SYNPR: variants seen among roughly 807,000 people sequenced by gnomAD.
SYNPR encodes the protein synaptoporin.
SYNPR carries 23 observed loss-of-function variants against 32.9 expected under a neutral mutation model. That is an observed-to-expected ratio of 0.70 (90% CI 0.50 to 0.99). The LOEUF (loss-of-function observed/expected upper bound fraction) is 0.99, where lower values mean the gene tolerates loss of function less well. SYNPR is among the 50% of genes least tolerant of loss of function. The pLI, the probability that SYNPR is intolerant of heterozygous loss-of-function variation, is 0.00. For synonymous variants in SYNPR, 146 were observed against 135.9 expected (o/e 1.07, Z -0.52); for missense variants, 318 against 349.3 (o/e 0.91, Z 0.71).
chr3:63,600,519 T>C (rs1367835492), intron 4 of SYNPR, among the ~76,000 whole-genome samples: 2 of 151,682 alleles, frequency 1.3e-5, no homozygotes, highest in Non-Finnish European at 2.9e-5. Context: ...TTTGGCTGTG[T>C]CCCCACCCAA....
chr3:63,380,152 C>G (rs148169715), intron 2 of SYNPR, among the ~76,000 whole-genome samples: 1,938 of 152,194 alleles, frequency 0.013, 23 homozygotes, highest in African/African-American at 0.029. Flanking sequence ...AAACATACAT[C>G]CGCATGTGTC....
intron 2 of SYNPR, among the ~76,000 whole-genome samples, chr3:63,393,950 A>G (rs2088177617): frequency 6.6e-6 from 1 of 152,036 alleles, no homozygotes; most frequent in Non-Finnish European, 1.5e-5. Context: ...TCTTTTTGTT[A>G]TTGACTTGTA....
intron 4 of SYNPR, among the ~76,000 whole-genome samples, chr3:63,563,833 G>A (rs181694772): frequency 7.9e-5 from 12 of 152,090 alleles, no homozygotes; most frequent in Non-Finnish European, 1.3e-4. Flanking sequence ...TTGCCTAGAA[G>A]TGAGGGCATG....
At chr3:63,614,067 C>A (rs1269183086) in intron 5 of SYNPR, among the ~76,000 whole-genome samples, 1 of 152,202 alleles carries the variant, frequency 6.6e-6, no homozygotes, top group African/African-American at 2.4e-5. Context: ...TGGATCATCT[C>A]ACTGTCCAGA....
At chr3:63,424,640 TA>T (rs887571024) in intron 2 of SYNPR, among the ~76,000 whole-genome samples, 1 of 152,134 alleles carries the variant, frequency 6.6e-6, no homozygotes, top group Non-Finnish European at 1.5e-5. Context: ...CCTTCCGGAT[TA>T]AAAAAAATAA....
At chr3:63,484,553 G>A (rs1441273400) in intron 3 of SYNPR, among the ~76,000 whole-genome samples, 2 of 152,128 alleles carry the variant, frequency 1.3e-5, no homozygotes, top group Non-Finnish European at 2.9e-5. Context: ...CATGGCAAAG[G>A]CAATGGAGAA....
chr3:63,429,975 G>C (rs1445136454), intron 2 of SYNPR, among the ~76,000 whole-genome samples: 1 of 152,198 alleles, frequency 6.6e-6, no homozygotes, highest in Non-Finnish European at 1.5e-5. Flanking sequence ...GTAAGGACCA[G>C]GGAGCCTCTC....
chr3:63,553,927 G>A (rs1237202544), intron 3 of SYNPR, among the ~76,000 whole-genome samples: 3 of 152,088 alleles, frequency 2.0e-5, no homozygotes, highest in African/African-American at 7.2e-5. Context: ...CTCCATGTTG[G>A]TCAGGCTGGT....
chr3:63,403,471 T>TAGAG (rs1433294256), intron 2 of SYNPR, among the ~76,000 whole-genome samples: 2 of 114,896 alleles, frequency 1.7e-5, no homozygotes, highest in African/African-American at 6.7e-5. Context: ...CACACACACA[T>TAGAG]AGAGAGAGAG....
intron 2 of SYNPR, among the ~76,000 whole-genome samples, chr3:63,387,863 A>C (rs919908492): frequency 6.6e-6 from 1 of 152,230 alleles, no homozygotes; most frequent in South Asian, 2.1e-4. Context: ...TATGTGGCAC[A>C]GGTTGGGTTG....
At chr3:63,431,968 A>G (rs1260435195) in intron 2 of SYNPR, among the ~76,000 whole-genome samples, 4 of 152,044 alleles carry the variant, frequency 2.6e-5, no homozygotes, top group Non-Finnish European at 4.4e-5. Context: ...TTCTGTCTGT[A>G]GGCCAGTTCT....
intron 2 of SYNPR, among the ~76,000 whole-genome samples, chr3:63,431,460 T>C (rs1278153126): frequency 6.6e-6 from 1 of 152,156 alleles, no homozygotes; most frequent in African/African-American, 2.4e-5. Flanking sequence ...AAATATTGGG[T>C]TAAGAGAACA....
intron 2 of SYNPR, among the ~76,000 whole-genome samples, chr3:63,427,977 T>TA (rs1344838366): frequency 6.6e-6 from 1 of 152,232 alleles, no homozygotes; most frequent in Non-Finnish European, 1.5e-5. Context: ...AGTCAGTAAT[T>TA]ACCTCTAAGC....
At chr3:63,606,417 C>CTTTTTTTCTTTTTTTTT (rs1700120925) in intron 4 of SYNPR, among the ~76,000 whole-genome samples, 1 of 68,300 alleles carries the variant, frequency 1.5e-5, no homozygotes, top group Non-Finnish European at 2.9e-5. Context: ...CAAATCCTTT[C>CTTTTTTTCTTTTTTTTT]TTTTTTTTTT....
intron 2 of SYNPR, among the ~76,000 whole-genome samples, chr3:63,404,665 T>A (rs571878897): frequency 6.6e-6 from 1 of 152,254 alleles, no homozygotes; most frequent in South Asian, 2.1e-4. Flanking sequence ...CATTCTACTT[T>A]ATAAGATATT....
intron 3 of SYNPR, among the ~76,000 whole-genome samples, chr3:63,535,666 C>T (rs1702190994): frequency 6.9e-6 from 1 of 145,978 alleles, no homozygotes. Flanking sequence ...GAGTACAAGG[C>T]ATATTAATGG....
intron 2 of SYNPR, among the ~76,000 whole-genome samples, chr3:63,465,936 A>G (rs1700670217): frequency 6.6e-6 from 1 of 152,026 alleles, no homozygotes; most frequent in South Asian, 2.1e-4. Context: ...GCTCGGGGGT[A>G]TGTGTGCAAG....
intron 2 of SYNPR, among the ~76,000 whole-genome samples, chr3:63,475,652 A>G (rs1700886134): frequency 1.3e-5 from 2 of 152,136 alleles, no homozygotes; most frequent in African/African-American, 2.4e-5. Context: ...TTATAGTATT[A>G]CAGAGTCATC....
At chr3:63,468,078 C>T (rs1277807498) in intron 2 of SYNPR, among the ~76,000 whole-genome samples, 1 of 151,360 alleles carries the variant, frequency 6.6e-6, no homozygotes, top group Non-Finnish European at 1.5e-5. Flanking sequence ...ACATGCGTCC[C>T]AGCTACGTGG....
Sources: gnomAD v4.1 joint callset for allele counts (sites outside exome capture counted in the v4.1 genomes callset) on GRCh38, gnomAD v4.1.1 for gene constraint, MANE v1.5 for transcripts, NCBI Gene and HGNC (gene_info 2026-07-23, HGNC 2026-07-21) for gene names.